Variants in SIPA1L1 observed in about 807,000 individuals in gnomAD.
SIPA1L1 encodes the protein signal induced proliferation associated 1 like 1, also known as signal-induced proliferation-associated 1-like protein 1.
A neutral mutation model predicts 162.7 loss-of-function variants in SIPA1L1; 26 were observed. The observed-to-expected ratio is 0.16, with a 90% confidence interval of 0.12 to 0.22. The LOEUF is 0.22. Among genes scored for constraint, SIPA1L1 ranks in the 10% least tolerant of loss-of-function variants. The pLI, the probability that SIPA1L1 is intolerant of heterozygous loss-of-function variation, is 1.00. For synonymous variants in SIPA1L1, 829 were observed against 837.4 expected (o/e 0.99, Z 0.17); for missense variants, 1,874 against 2,241.0 (o/e 0.84, Z 3.31).
At chr14:71,329,856 T>C (rs1291441381) in intron 2 of SIPA1L1, among the ~76,000 whole-genome samples, 1 of 152,198 alleles carries the variant, frequency 6.6e-6, no homozygotes, top group Non-Finnish European at 1.5e-5. Context: ...ATTTTTTTCC[T>C]TCAGCATTGT....
At chr14:71,586,524 AG>A (rs1369983665) in intron 4 of SIPA1L1, 4 of 152,168 alleles carry the variant, frequency 2.6e-5, no homozygotes, top group Admixed American at 1.3e-4. Context: ...AAGAATTTAA[AG>A]GCCACCTCTT....
intron 2 of SIPA1L1, among the ~76,000 whole-genome samples, chr14:71,500,667 T>G (rs1417721184): frequency 6.6e-6 from 1 of 152,178 alleles, no homozygotes; most frequent in Non-Finnish European, 1.5e-5. Context: ...TATAGCAGCA[T>G]TATTTGTGCT....
chr14:71,554,120 C>T (rs779797011), intron 4 of SIPA1L1, among the ~76,000 whole-genome samples: 2 of 152,060 alleles, frequency 1.3e-5, no homozygotes, highest in Non-Finnish European at 2.9e-5. Flanking sequence ...GGTACTGATA[C>T]GTTATTTCTG....
At chr14:71,423,212 T>C (rs2043313545) in intron 2 of SIPA1L1, among the ~76,000 whole-genome samples, 1 of 152,190 alleles carries the variant, frequency 6.6e-6, no homozygotes, top group Non-Finnish European at 1.5e-5. Context: ...ATAGCTGTGA[T>C]GTTAATCCCT....
chr14:71,698,875 A>G, intron 13 of SIPA1L1, 106 bp from the exon 14 acceptor site: 2 of 1,239,764 alleles, frequency 1.6e-6, no homozygotes, highest in Non-Finnish European at 1.1e-6. Context: ...CACTATCTCC[A>G]TGAAGTCACT....
intron 2 of SIPA1L1, among the ~76,000 whole-genome samples, chr14:71,441,856 T>A (rs1288710981): frequency 3.3e-5 from 5 of 152,120 alleles, no homozygotes; most frequent in Admixed American, 3.3e-4. Context: ...GATAATAAAA[T>A]AACCATGTAG....
At chr14:71,415,766 C>T (rs576901504) in intron 2 of SIPA1L1, among the ~76,000 whole-genome samples, 168 of 151,866 alleles carry the variant, frequency 1.1e-3, no homozygotes, top group African/African-American at 3.6e-3. Flanking sequence ...GGCATGATCT[C>T]GGCTCACTGC....
Position 71,588,234 on chromosome 14 carries a change from C to G in SIPA1L1, c.362C>G (p.Ser121Cys). 1 of 1,614,146 alleles carries G rather than the reference C, an allele frequency of 6.2e-7. No individual in the cohort carries two copies. Among genetic ancestry groups the G allele is most frequent in the Non-Finnish European group, 8.5e-7 (1 of 1,179,998 alleles). The change falls in exon 5 of 24, where the codon TCT becomes TGT. Residue 121 changes from serine (S) to cysteine (C), a missense_variant. By Grantham distance (112) the Ser-to-Cys change is moderately radical. Transcript: ENST00000381232. The surrounding 1 kb of genome is among the most constrained non-coding windows in gnomAD (Gnocchi z 4.3). ...SKSSPVSQGS[S>C]VSLNSNDSAM... ...AGCAGTCCTGTGAGTCAGGGAAGTT[C>G]TGTTAGCCTCAATTCCAATGACTCA... is the stretch of plus-strand genomic sequence containing the variant.
At chr14:71,529,852 T>C (rs1376307908) in intron 4 of SIPA1L1, among the ~76,000 whole-genome samples, 2 of 152,212 alleles carry the variant, frequency 1.3e-5, no homozygotes, top group Non-Finnish European at 2.9e-5. Context: ...CAATGTGGGT[T>C]TGCCTGGAGC....
chr14:71,667,268 T>C (rs1043217129), intron 10 of SIPA1L1, among the ~76,000 whole-genome samples: 1 of 152,118 alleles, frequency 6.6e-6, no homozygotes, highest in African/African-American at 2.4e-5. Context: ...CTCCATCTGA[T>C]GAATTCCTGC....
At chr14:71,538,895 T>G (rs1470855125) in intron 4 of SIPA1L1, among the ~76,000 whole-genome samples, 3 of 152,176 alleles carry the variant, frequency 2.0e-5, no homozygotes, top group Non-Finnish European at 4.4e-5. Context: ...CTTCAGACTG[T>G]TTTTTGTTTG....
chr14:71,405,203 G>A (rs148083237), intron 2 of SIPA1L1, among the ~76,000 whole-genome samples: 35 of 152,308 alleles, frequency 2.3e-4, no homozygotes, highest in African/African-American at 7.7e-4. Flanking sequence ...GATTGACCAG[G>A]AAAGGTCCTT....
At chr14:71,480,902 TCTTG>T (rs2048307773) in intron 2 of SIPA1L1, among the ~76,000 whole-genome samples, 1 of 152,230 alleles carries the variant, frequency 6.6e-6, no homozygotes, top group South Asian at 2.1e-4. Flanking sequence ...TGGACTCTTT[TCTTG>T]CTTTTCCTTT....
At chr14:71,733,502 C>T (rs2084992014) in intron 20 of SIPA1L1, among the ~76,000 whole-genome samples, 164 bp from the exon 21 acceptor site, 1 of 152,222 alleles carries the variant, frequency 6.6e-6, no homozygotes, top group Admixed American at 6.5e-5. Context: ...AAGCCGATTC[C>T]TATTTCAAGT....
intron 11 of SIPA1L1, among the ~76,000 whole-genome samples, 196 bp downstream of exon 11, chr14:71,671,888 A>G (rs1432177359): frequency 6.9e-6 from 1 of 145,304 alleles, no homozygotes; most frequent in African/African-American, 2.6e-5. Flanking sequence ...AAATTGGGGA[A>G]GACACATTTA....
In SIPA1L1 at chr14:71,733,763, T is replaced by C. The variant is rs1225106651; in HGVS notation, c.4959T>C (p.Ala1653=). ...DPGLMPLPDT[A]ADLDWSNLVD... Reference sequence around the variant, plus strand: ...GCCTGATGCCCCTGCCTGACACTGCTGCAGACTTGGATTGGTCCAACCTGG... The same window carrying C: ...GCCTGATGCCCCTGCCTGACACTGCCGCAGACTTGGATTGGTCCAACCTGG... The change falls in exon 21 of 24, where the codon GCT becomes GCC. Residue 1653 remains alanine, a synonymous_variant. Transcript: ENST00000381232. 2 of 1,613,552 alleles carry C rather than the reference T, an allele frequency of 1.2e-6. No homozygotes were observed. Among genetic ancestry groups the C allele is most frequent in the Admixed American group, 3.3e-5 (2 of 60,030 alleles).
intron 7 of SIPA1L1, among the ~76,000 whole-genome samples, chr14:71,633,679 A>G (rs936661149): frequency 2.6e-5 from 4 of 152,198 alleles, no homozygotes; most frequent in Admixed American, 6.5e-5. Context: ...AGGTACTTCA[A>G]TGGGCTAGAC....
chr14:71,458,248 A>C (rs781398133), intron 2 of SIPA1L1, among the ~76,000 whole-genome samples: 1 of 152,172 alleles, frequency 6.6e-6, no homozygotes, highest in Non-Finnish European at 1.5e-5. Flanking sequence ...GCTCTTTAAG[A>C]GACATATTAC....
intron 12 of SIPA1L1, among the ~76,000 whole-genome samples, chr14:71,674,217 T>C (rs975148329): frequency 1.3e-5 from 2 of 152,176 alleles, no homozygotes; most frequent in African/African-American, 4.8e-5. Context: ...CACTCAGAAG[T>C]CTTTCCCTTG....
Sources: allele counts gnomAD v4.1 joint callset (sites outside exome capture counted in the v4.1 genomes callset), GRCh38; gene constraint gnomAD v4.1.1; non-coding constraint Gnocchi (gnomAD v3.1); transcripts MANE v1.5; gene names NCBI Gene and HGNC (gene_info 2026-07-23, HGNC 2026-07-21).